The following FOXP1 variants were observed in gnomAD, a reference collection of about 807,000 sequenced individuals.
FOXP1 encodes the protein forkhead box protein P1.
In FOXP1, 15 loss-of-function variants were observed where a neutral mutation model predicts 98.2. That is an observed-to-expected ratio of 0.15 (90% CI 0.10 to 0.24). The LOEUF is 0.24. Ranked by LOEUF, FOXP1 falls within the 10% of genes least tolerant of loss-of-function variation. FOXP1 has a pLI of 1.00. For missense variants in FOXP1, 633 were observed against 848.5 expected (o/e 0.75, Z 3.15); for synonymous variants, 371 against 314.5 (o/e 1.18, Z -1.90).
At chr3:71,413,129 C>CAT (rs968603109) in intron 3 of FOXP1, among the ~76,000 whole-genome samples, 9 of 147,842 alleles carry the variant, frequency 6.1e-5, no homozygotes, top group African/African-American at 1.8e-4. Flanking sequence ...CACACACACA[C>CAT]GCACCCCCAA....
At chr3:71,260,318 G>T (rs946734586) in intron 5 of FOXP1, among the ~76,000 whole-genome samples, 1 of 152,084 alleles carries the variant, frequency 6.6e-6, no homozygotes, top group African/African-American at 2.4e-5. Context: ...CTCGGGGCGC[G>T]GGGGGAGAAA....
At chr3:71,144,984 C>G (rs1037671579) in intron 6 of FOXP1, among the ~76,000 whole-genome samples, 1 of 152,168 alleles carries the variant, frequency 6.6e-6, no homozygotes, top group Non-Finnish European at 1.5e-5. Context: ...TGAGACCATT[C>G]TAAGCTGTGG....
At chr3:71,018,482 T>G (rs2044858870) in intron 11 of FOXP1, among the ~76,000 whole-genome samples, 1 of 152,220 alleles carries the variant, frequency 6.6e-6, no homozygotes. Flanking sequence ...CCGAAGGAAG[T>G]GCACCCCCAC....
intron 2 of FOXP1, among the ~76,000 whole-genome samples, chr3:71,563,372 T>C (rs2046681169): frequency 1.3e-5 from 2 of 152,172 alleles, no homozygotes; most frequent in African/African-American, 4.8e-5. Flanking sequence ...GCAAATTTTA[T>C]TCAACTCAAT....
chr3:71,580,725 T>C lies in FOXP1; in HGVS notation c.-298+824A>G. On this transcript the variant is annotated intron_variant, in intron 2 of 20. Coordinates refer to ENST00000649528, the MANE Select transcript of FOXP1 (RefSeq NM_001349338.3). ...AAAATTTTGCAGCGATTCTTCAATA[T>C]ATTTTCAGTAGCAGAAAAATTCCTT... 5.3e-6 allele frequency: 5 copies of C among 944,140 alleles called. 1 individual carries two copies. The South Asian group carries it at 2.4e-4, about 46-fold the overall frequency. The allele number at this position is 944,140 out of a possible 1,614,324, so 58.5% of individuals were successfully genotyped here.
intron 3 of FOXP1, among the ~76,000 whole-genome samples, chr3:71,463,280 C>T (rs2088327847): frequency 6.9e-6 from 1 of 144,914 alleles, no homozygotes; most frequent in South Asian, 2.2e-4. Flanking sequence ...ACGAGAATTG[C>T]TTGAACCCGG....
chr3:71,359,974 G>A (rs1256771851), intron 3 of FOXP1, among the ~76,000 whole-genome samples: 3 of 152,040 alleles, frequency 2.0e-5, no homozygotes, highest in Non-Finnish European at 4.4e-5. Context: ...TGTATTTTTA[G>A]TAGAGACAAG....
At chr3:71,306,694 A>G (rs1266072742) in intron 4 of FOXP1, among the ~76,000 whole-genome samples, 1 of 150,724 alleles carries the variant, frequency 6.6e-6, no homozygotes, top group Non-Finnish European at 1.5e-5. Context: ...CTAATCATTT[A>G]AGGAAAATAA....
intron 7 of FOXP1, among the ~76,000 whole-genome samples, chr3:71,084,893 T>G (rs546643814): frequency 6.6e-6 from 1 of 152,092 alleles, no homozygotes; most frequent in East Asian, 1.9e-4. Flanking sequence ...ATTACCTGGG[T>G]GTGGTGTTGG....
At chr3:71,335,100 A>AAAATT (rs531152224) in intron 4 of FOXP1, 4 of 152,108 alleles carry the variant, frequency 2.6e-5, no homozygotes, top group Non-Finnish European at 5.9e-5. Flanking sequence ...CCTCTACAAA[A>AAAATT]AAATTAAATT....
intron 2 of FOXP1, among the ~76,000 whole-genome samples, chr3:71,499,446 A>G (rs890651714): frequency 1.3e-5 from 2 of 152,256 alleles, no homozygotes; most frequent in African/African-American, 2.4e-5. Flanking sequence ...ATAAACACGC[A>G]CAAGTATACA....
At chr3:71,234,838 A>G (rs2066639962) in intron 5 of FOXP1, among the ~76,000 whole-genome samples, 2 of 152,168 alleles carry the variant, frequency 1.3e-5, no homozygotes, top group Admixed American at 6.5e-5. Context: ...CACCCTGAAA[A>G]CCAATTGATA....
intron 20 of FOXP1, among the ~76,000 whole-genome samples, chr3:70,963,248 C>T (rs915377873): frequency 1.3e-5 from 2 of 152,192 alleles, no homozygotes; most frequent in South Asian, 4.1e-4. Context: ...GCTAGATCTA[C>T]TGTGTGACCA....
chr3:71,077,257 A>G (rs1388523943), intron 7 of FOXP1, among the ~76,000 whole-genome samples: 1 of 152,170 alleles, frequency 6.6e-6, no homozygotes, highest in Non-Finnish European at 1.5e-5. Flanking sequence ...TGTCACTCCC[A>G]TTCTGCAGCA....
chr3:71,113,753 AAAAT>A (rs1354590796), intron 6 of FOXP1, among the ~76,000 whole-genome samples: 2 of 150,986 alleles, frequency 1.3e-5, no homozygotes, highest in African/African-American at 4.8e-5. Context: ...AAAATAAAAT[AAAAT>A]AAAAGGTCAA....
chr3:71,236,900 A>AAAAAGG (rs2066832474), intron 5 of FOXP1, among the ~76,000 whole-genome samples: 1 of 151,550 alleles, frequency 6.6e-6, no homozygotes, highest in Non-Finnish European at 1.5e-5. Context: ...AAAGAAAAAG[A>AAAAAGG]AAAAAATAAA....
At chr3:71,491,065 G>T (rs1467337359) in intron 3 of FOXP1, among the ~76,000 whole-genome samples, 1 of 152,058 alleles carries the variant, frequency 6.6e-6, no homozygotes, top group Non-Finnish European at 1.5e-5. Context: ...AACCAGGCTG[G>T]AGTGCAGTGG....
chr3:71,557,024 T>C (rs549543608), intron 2 of FOXP1, among the ~76,000 whole-genome samples: 1 of 152,278 alleles, frequency 6.6e-6, no homozygotes, highest in African/African-American at 2.4e-5. Context: ...TAATGTTAAG[T>C]GAAAATGAGC....
rs116321127 is a variant in FOXP1, at chr3:71,120,291, A to G, written c.181-7654T>C. ...ACTCAACCCCAAAAGCAGGTGCAGT[A>G]GACAGCCAAGTCTTACATCAACTGG... On this transcript the variant is annotated intron_variant, in intron 6 of 20. Coordinates refer to ENST00000649528, the MANE Select transcript of FOXP1 (RefSeq NM_001349338.3). Among the ~76,000 whole-genome samples the G allele has an allele frequency of 5.0e-3, 759 of 152,326 alleles. 8 individuals carry two copies. The highest frequency in any genetic ancestry group is 0.018 in the African/African-American group (738 of 41,570).
Sources: allele counts gnomAD v4.1 joint callset (sites outside exome capture counted in the v4.1 genomes callset), GRCh38; gene constraint gnomAD v4.1.1; transcripts MANE v1.5; gene names NCBI Gene and HGNC (gene_info 2026-07-23, HGNC 2026-07-21).